Variants in NLRP11 observed in about 807,000 individuals in gnomAD.
NLRP11 encodes NLR family pyrin domain containing 11, also known as NACHT, LRR and PYD domains-containing protein 11.
Under a neutral mutation model 79.3 loss-of-function variants are expected in NLRP11, and 53 were observed. The ratio of observed to expected loss-of-function variants is 0.67; its 90% CI spans 0.54 to 0.84. NLRP11 has a LOEUF of 0.84. NLRP11 is among the 40% of genes least tolerant of loss of function. NLRP11 has a pLI of 0.00. For missense variants in NLRP11, 1,264 were observed against 1,255.0 expected, an observed-to-expected ratio of 1.01 and a Z score of -0.11; for synonymous variants, 518 against 462.6, an observed-to-expected ratio of 1.12 and a Z score of -1.54.
rs576604397 is a variant in NLRP11 at position 55,827,015 on chromosome 19, T to TA, written c.-63+4947dup. On this transcript the variant is annotated intron_variant, in intron 1 of 9. Coordinates refer to ENST00000589093, the Ensembl canonical transcript of NLRP11. ...CATCACACTACCTGATTTCAAACTATACTACAAGGCTACAGTAACCAAAAC... is the reference window on the plus strand; with the variant it reads ...CATCACACTACCTGATTTCAAACTATAACTACAAGGCTACAGTAACCAAAAC... Among the ~76,000 whole-genome samples, 94 of 146,070 alleles carry TA rather than the reference T, an allele frequency of 6.4e-4. 1 individual carries two copies. The East Asian group carries it at 0.018, about 28-fold the overall frequency.
intron 1 of NLRP11, among the ~76,000 whole-genome samples, chr19:55,819,561 A>C (rs912344877): frequency 6.6e-6 from 1 of 152,188 alleles, no homozygotes; most frequent in Non-Finnish European, 1.5e-5. Flanking sequence ...GTAGAGAAAG[A>C]AGATCTGATC....
intron 1 of NLRP11, among the ~76,000 whole-genome samples, chr19:55,823,126 C>T (rs1487221499): frequency 4.1e-5 from 6 of 147,100 alleles, no homozygotes; most frequent in Admixed American, 6.8e-5. Flanking sequence ...AGCAGCCTAA[C>T]TGGGAGGCAC....
chr19:55,828,411 TATA>T (rs772720393), intron 1 of NLRP11, among the ~76,000 whole-genome samples: 10 of 149,740 alleles, frequency 6.7e-5, no homozygotes, highest in Admixed American at 2.0e-4. Flanking sequence ...AAACTTAAAG[TATA>T]ATAATAAAAA....
chr19:55,805,196 A>G (rs1278152031), intron 4 of NLRP11, among the ~76,000 whole-genome samples: 1 of 152,200 alleles, frequency 6.6e-6, no homozygotes, highest in African/African-American at 2.4e-5. Context: ...GCAGCAGGAC[A>G]TCAGGGCAAC....
intron 1 of NLRP11, among the ~76,000 whole-genome samples, chr19:55,823,378 A>G (rs183456569): frequency 7.3e-6 from 1 of 136,840 alleles, no homozygotes; most frequent in Admixed American, 7.3e-5. Context: ...AAAGGAACGC[A>G]GTTCCTCCCC....
At chr19:55,822,663 G>C (rs1981875523) in intron 1 of NLRP11, among the ~76,000 whole-genome samples, 1 of 152,150 alleles carries the variant, frequency 6.6e-6, no homozygotes, top group African/African-American at 2.4e-5. Flanking sequence ...GACGCACCTG[G>C]AAAATCGGGT....
intron 1 of NLRP11, among the ~76,000 whole-genome samples, chr19:55,830,645 T>G (rs1982666358): frequency 6.6e-6 from 1 of 150,966 alleles, no homozygotes; most frequent in African/African-American, 2.5e-5. Flanking sequence ...TAAAAGCTCT[T>G]ATTACTTTTC....
chr19:55,786,005 A>T, intron 9 of NLRP11, 134 bp from the exon 10 acceptor site: 1 of 898,770 alleles, frequency 1.1e-6, no homozygotes, highest in Non-Finnish European at 1.7e-6. Flanking sequence ...TGAGGAAACA[A>T]AAATCTGTTC....
rs1978809541 is a variant in NLRP11 at position 55,796,009 on chromosome 19, C to T, written c.2342+71G>A. 6.5e-6 allele frequency: 9 copies of T among 1,395,248 alleles called. No homozygotes were observed. In the Admixed American group the frequency reaches 1.1e-4, roughly 17 times the overall value. 86.4% of individuals were successfully genotyped at this position (1,395,248 alleles called of 1,614,324 possible). On this transcript the variant is annotated intron_variant, in intron 6 of 9. Transcript: ENST00000589093. ...TGCTGTCCCTTTCCCCACCACTGCT[C>T]TTTGATCATGTGCTTAGATATTCAA...
chr19:55,834,219 A>G (rs1383010149), upstream of NLRP11, among the ~76,000 whole-genome samples: 4 of 152,214 alleles, frequency 2.6e-5, no homozygotes, highest in East Asian at 7.7e-4. Context: ...AACTAGGAGG[A>G]GATATATGAA....
At chr19:55,788,197 C>T (rs906352979) in intron 9 of NLRP11, among the ~76,000 whole-genome samples, 20 of 151,982 alleles carry the variant, frequency 1.3e-4, no homozygotes, top group Admixed American at 2.6e-4. Flanking sequence ...TTTATTCTCT[C>T]GTAATGAGGG....
intron 7 of NLRP11, among the ~76,000 whole-genome samples, chr19:55,791,748 G>C (rs573548153): frequency 6.6e-6 from 1 of 152,166 alleles, no homozygotes; most frequent in African/African-American, 2.4e-5. Flanking sequence ...TCATTGATGA[G>C]GCACACTCAA....
chr19:55,836,221 G>A (rs760344149), upstream of NLRP11: 3 of 152,182 alleles, frequency 2.0e-5, no homozygotes, highest in African/African-American at 7.2e-5. Context: ...CATGTAGGAA[G>A]GAATTAGACA....
chr19:55,809,253 C>T lies in NLRP11; in HGVS notation c.1357G>A (p.Val453Ile), dbSNP rs199615331. 4.3e-6 allele frequency: 7 copies of T among 1,614,028 alleles called. No homozygotes were observed. The highest frequency in any genetic ancestry group is 1.7e-5 in the Admixed American group (1 of 60,016). The change falls in exon 3 of 10, where the codon GTC (valine) becomes ATC (isoleucine). Residue 453 changes from valine to isoleucine, a missense_variant. By Grantham distance (29) the Val-to-Ile change is conservative. Transcript: ENST00000589093. This position sits in a 1 kb window ranked among gnomAD's most constrained non-coding sequence, Gnocchi z 4.5. ...GCAATGGCTGTACAAAACTCCTGGACGTTCAAGTGTATGAACTTGTAACGG... is the reference window on the plus strand; with the variant it reads ...GCAATGGCTGTACAAAACTCCTGGATGTTCAAGTGTATGAACTTGTAACGG...
upstream of NLRP11, among the ~76,000 whole-genome samples, chr19:55,832,598 C>T (rs961877681): frequency 2.6e-5 from 4 of 152,142 alleles, no homozygotes; most frequent in African/African-American, 9.7e-5. Flanking sequence ...AGGGAGTATG[C>T]TCTGGGTATG....
chr19:55,826,689 T>TA (rs1333566058), intron 1 of NLRP11, among the ~76,000 whole-genome samples: 1 of 29,248 alleles, frequency 3.4e-5, no homozygotes, highest in Non-Finnish European at 6.4e-5. Flanking sequence ...ATAAAATACC[T>TA]AGGAATCCAA....
chr19:55,791,542 C>T (rs979970151), intron 7 of NLRP11, among the ~76,000 whole-genome samples: 3 of 152,154 alleles, frequency 2.0e-5, no homozygotes, highest in Non-Finnish European at 4.4e-5. Flanking sequence ...CATAGTGTTG[C>T]TATTTTATGA....
chr19:55,786,982 G>T (rs757725190), intron 9 of NLRP11, among the ~76,000 whole-genome samples: 8 of 152,102 alleles, frequency 5.3e-5, no homozygotes, highest in Non-Finnish European at 1.2e-4. Flanking sequence ...TCATAGTAGG[G>T]TCTCCAGCAT....
intron 1 of NLRP11, among the ~76,000 whole-genome samples, chr19:55,827,966 A>G (rs1037177750): frequency 6.6e-6 from 1 of 151,906 alleles, no homozygotes; most frequent in Admixed American, 6.6e-5. Flanking sequence ...CACATGCACA[A>G]GTATGTTTAC....
Sources: allele counts gnomAD v4.1 joint callset (sites outside exome capture counted in the v4.1 genomes callset), GRCh38; gene constraint gnomAD v4.1.1; non-coding constraint Gnocchi (gnomAD v3.1); transcripts MANE v1.5; gene names NCBI Gene and HGNC (gene_info 2026-07-23, HGNC 2026-07-21).